Variants in RBM20 observed in about 807,000 individuals in gnomAD.
RBM20 encodes the protein RNA binding motif protein 20.
A neutral mutation model predicts 110.1 loss-of-function variants in RBM20; 51 were observed. That is an observed-to-expected ratio of 0.46 (90% confidence interval 0.37 to 0.59). The LOEUF is 0.59. RBM20 is among the 20% of genes least tolerant of loss of function. The pLI is 0.00. For missense variants in RBM20, 1,512 were observed against 1,574.9 expected (o/e 0.96, Z 0.68); for synonymous variants, 589 against 618.2 (o/e 0.95, Z 0.70).
intron 5 of RBM20, among the ~76,000 whole-genome samples, chr10:110,786,988 C>G (rs576704246): frequency 6.6e-6 from 1 of 152,290 alleles, no homozygotes; most frequent in East Asian, 1.9e-4. Flanking sequence ...CAGGCCTCTT[C>G]CCCACCCTCC....
intron 1 of RBM20, among the ~76,000 whole-genome samples, chr10:110,669,037 A>C (rs1302144814): frequency 6.6e-6 from 1 of 152,190 alleles, no homozygotes; most frequent in African/African-American, 2.4e-5. Context: ...GCATGTTTAC[A>C]TGTATGTGTA....
Position 110,835,851 on chromosome 10 carries a change from C to G in RBM20, c.3574-17C>G. 6.4e-7 allele frequency: 1 copy of G among 1,550,518 alleles called. No homozygotes were observed. The highest frequency in any genetic ancestry group is 8.7e-7 in the Non-Finnish European group (1 of 1,146,128). Reference sequence around the variant, plus strand: ...ACTAACATGCCCCTTCCTCCACTTCCCCTCTTCTTTCCACAGAAATATTTG... The same window carrying G: ...ACTAACATGCCCCTTCCTCCACTTCGCCTCTTCTTTCCACAGAAATATTTG... On this transcript the variant is annotated splice_polypyrimidine_tract_variant and intron_variant, in intron 13 of 13. Coordinates refer to ENST00000369519, the MANE Select transcript of RBM20 (RefSeq NM_001134363.3).
At chr10:110,745,339 A>ACCC (rs1406494705) in intron 1 of RBM20, among the ~76,000 whole-genome samples, 2 of 152,118 alleles carry the variant, frequency 1.3e-5, no homozygotes, top group Non-Finnish European at 2.9e-5. Flanking sequence ...CTGGGTTTGA[A>ACCC]CAGTGCAAGC....
At chr10:110,766,948 CG>C (rs1184727134) in intron 1 of RBM20, among the ~76,000 whole-genome samples, 1 of 138,030 alleles carries the variant, frequency 7.2e-6, no homozygotes, top group Non-Finnish European at 1.6e-5. Flanking sequence ...GCTGGCCGGG[CG>C]GGGGGTGACC....
At chr10:110,752,795 C>T (rs768856467) in intron 1 of RBM20, among the ~76,000 whole-genome samples, 2 of 151,880 alleles carry the variant, frequency 1.3e-5, no homozygotes, top group South Asian at 2.1e-4. Context: ...CAGCCTCCTT[C>T]CTCACTTACA....
intron 1 of RBM20, among the ~76,000 whole-genome samples, chr10:110,691,353 A>G (rs1862582919): frequency 6.6e-6 from 1 of 152,264 alleles, no homozygotes; most frequent in Non-Finnish European, 1.5e-5. Flanking sequence ...AGGAACTGCC[A>G]AACTGTTTCC....
intron 1 of RBM20, among the ~76,000 whole-genome samples, chr10:110,750,438 G>A (rs1204286522): frequency 6.6e-6 from 1 of 152,126 alleles, no homozygotes; most frequent in Non-Finnish European, 1.5e-5. Flanking sequence ...CCTTGCCAGC[G>A]CTCACATTTT....
Position 110,781,136 on chromosome 10 carries a change from A to G in RBM20, c.527A>G (p.Gln176Arg). 1 of 1,551,610 alleles carries G rather than the reference A, an allele frequency of 6.4e-7. No individual in the cohort carries two copies. Among genetic ancestry groups the G allele is most frequent in the South Asian group, 1.2e-5 (1 of 84,058 alleles). Residue 176 changes from glutamine (Q) to arginine (R), a missense_variant, in exon 2 of 14, where the codon CAG becomes CGG. By Grantham distance (43) the Gln-to-Arg change is conservative. Transcript: ENST00000369519. Reference protein sequence around the residue: ...SNAIAFSPPSQTRGPGPSMNL... With the variant: ...SNAIAFSPPSRTRGPGPSMNL... ...GCAATTGCCTTTTCACCCCCCAGCC[A>G]GACACGAGGCCCCGGACCCTCCATG...
At chr10:110,818,970 A>G (rs1256334980) in intron 9 of RBM20, among the ~76,000 whole-genome samples, 1 of 152,262 alleles carries the variant, frequency 6.6e-6, no homozygotes, top group Non-Finnish European at 1.5e-5. Context: ...TAGGATTTGA[A>G]CCATGTATCC....
rs553371084 is a variant in RBM20, at chr10:110,725,341, T to C, written c.192-55460T>C. 3.3e-5 allele frequency among the ~76,000 whole-genome samples: 5 copies of C among 152,360 alleles called. No homozygotes were observed. The South Asian group carries it at 1.0e-3, about 32-fold the overall frequency. On this transcript the variant is annotated intron_variant, in intron 1 of 13. Coordinates refer to ENST00000369519, the MANE Select transcript of RBM20 (RefSeq NM_001134363.3). ...TTATGAACATCCTGAAACCCATCCA[T>C]GGACCCTTGTGGGGGACCTGTAGGT...
In RBM20 at chr10:110,723,775, G is replaced by A. The variant is rs182198894; in HGVS notation, c.192-57026G>A. ...TTGCCTATTTTTAATTGGGTTATGG[G>A]TCTTTATTGTTGAGGTTTTTTAACC... On this transcript the variant is annotated intron_variant, in intron 1 of 13. Coordinates refer to ENST00000369519, the MANE Select transcript of RBM20 (RefSeq NM_001134363.3). Among the ~76,000 whole-genome samples the A allele has an allele frequency of 2.9e-3, 446 of 152,272 alleles. 6 individuals are homozygous for A. Among genetic ancestry groups the A allele is most frequent in the African/African-American group, 9.9e-3 (411 of 41,552 alleles).
Position 110,812,406 on chromosome 10 carries a change from G to T in RBM20, c.2009G>T (p.Gly670Val). 1 of 1,551,702 alleles carries T rather than the reference G, an allele frequency of 6.4e-7. No individual in the cohort carries two copies. The highest frequency in any genetic ancestry group is 1.2e-5 in the South Asian group (1 of 84,064). ...CCGGGCCCCTCCCGGGCTGACTGGG[G>T]CAATGGCCGGGACTCCTGGGAGCAC... ...SPPGPSRADW[G>V]NGRDSWEHSP... The change falls in exon 9 of 14, where the codon GGC (glycine) becomes GTC (valine). Residue 670 changes from glycine to valine, a missense_variant. Physicochemically the swap from Gly to Val is moderately radical, Grantham distance 109. Coordinates refer to ENST00000369519, the MANE Select transcript of RBM20 (RefSeq NM_001134363.3).
intron 1 of RBM20, among the ~76,000 whole-genome samples, chr10:110,655,029 A>T (rs898242208): frequency 6.6e-6 from 1 of 152,222 alleles, no homozygotes; most frequent in Non-Finnish European, 1.5e-5. Flanking sequence ...GACCCAGGAA[A>T]GCTAAGAAAA....
At chr10:110,792,871 A>T (rs1414811777) in intron 5 of RBM20, among the ~76,000 whole-genome samples, 1 of 152,218 alleles carries the variant, frequency 6.6e-6, no homozygotes, top group African/African-American at 2.4e-5. Context: ...TTGGGAATGG[A>T]TGCATGGTTA....
chr10:110,743,993 G>C (rs959436820), intron 1 of RBM20, among the ~76,000 whole-genome samples: 2 of 152,134 alleles, frequency 1.3e-5, no homozygotes, highest in Non-Finnish European at 2.9e-5. Context: ...CAGTGATCCT[G>C]GTGGGGGCTC....
intron 7 of RBM20, among the ~76,000 whole-genome samples, chr10:110,809,944 T>C (rs1844743515): frequency 6.6e-6 from 1 of 152,244 alleles, no homozygotes; most frequent in East Asian, 1.9e-4. Flanking sequence ...TCTCTGGCTC[T>C]AAGTTTCCAT....
chr10:110,692,013 TTGTTGAAAAGACTG>T (rs1862592401), intron 1 of RBM20, among the ~76,000 whole-genome samples: 1 of 152,210 alleles, frequency 6.6e-6, no homozygotes, highest in African/African-American at 2.4e-5. Context: ...CCAGCACCAT[TTGTTGAAAAGACTG>T]TGCTTTCCCC....
Position 110,644,452 on chromosome 10 carries a change from C to G in RBM20, c.-3C>G. ...CCGCGATCCCGGGCGGGTCTCGCCC[C>G]GCATGGTGCTGGCAGCAGCCATGAG... On this transcript the variant is annotated 5_prime_UTR_variant, in exon 1 of 14. Transcript: ENST00000369519. The surrounding 1 kb of genome is among the most constrained non-coding windows in gnomAD (Gnocchi z 4.3). 2.0e-6 allele frequency: 3 copies of G among 1,485,642 alleles called. No homozygotes were observed. Among genetic ancestry groups the G allele is most frequent in the Non-Finnish European group, 2.7e-6 (3 of 1,122,520 alleles). 92.0% of individuals were successfully genotyped at this position (1,485,642 alleles called of 1,614,324 possible).
intron 5 of RBM20, among the ~76,000 whole-genome samples, chr10:110,786,731 G>A (rs548192727): frequency 1.3e-5 from 2 of 152,322 alleles, no homozygotes; most frequent in African/African-American, 4.8e-5. Context: ...ATGGGGGTGT[G>A]GGCCATGGAG....
Sources: allele counts gnomAD v4.1 joint callset (sites outside exome capture counted in the v4.1 genomes callset), GRCh38; gene constraint gnomAD v4.1.1; non-coding constraint Gnocchi (gnomAD v3.1); transcripts MANE v1.5; gene names NCBI Gene and HGNC (gene_info 2026-07-23, HGNC 2026-07-21).